PPP3CA: variants seen among roughly 807,000 people sequenced by gnomAD.
The protein encoded by PPP3CA is protein phosphatase 3 catalytic subunit alpha, also known as CAM-PRP catalytic subunit.
Under a neutral mutation model 66.5 loss-of-function variants are expected in PPP3CA, and 14 were observed. The ratio of observed to expected loss-of-function variants is 0.21; its 90% confidence interval spans 0.14 to 0.33. The LOEUF is 0.33. Among genes scored for constraint, PPP3CA ranks in the 10% least tolerant of loss-of-function variants. The pLI, the probability that PPP3CA is intolerant of heterozygous loss-of-function variation, is 1.00. For synonymous variants in PPP3CA, 232 were observed against 226.2 expected, an observed-to-expected ratio of 1.03 and a Z score of -0.23; for missense variants, 317 against 639.5, an observed-to-expected ratio of 0.50 and a Z score of 5.44.
At chr4:101,249,241 A>G (rs1460801345) in intron 1 of PPP3CA, among the ~76,000 whole-genome samples, 1 of 152,116 alleles carries the variant, frequency 6.6e-6, no homozygotes, top group Admixed American at 6.5e-5. Flanking sequence ...AGGTACTACT[A>G]CACAGATGAT....
chr4:101,285,476 T>C (rs895062239), intron 1 of PPP3CA, among the ~76,000 whole-genome samples: 3 of 152,098 alleles, frequency 2.0e-5, no homozygotes, highest in Non-Finnish European at 4.4e-5. Context: ...GCTTAAAGAG[T>C]TCCCCCTTCT....
chr4:101,056,734 G>T (rs1389991872), intron 10 of PPP3CA, among the ~76,000 whole-genome samples: 1 of 151,938 alleles, frequency 6.6e-6, no homozygotes, highest in Non-Finnish European at 1.5e-5. Flanking sequence ...GCAAGCAGCA[G>T]GAGAGAGCCA....
chr4:101,102,262 AAGGAAGGGAGGG>A (rs1280235961), intron 3 of PPP3CA, among the ~76,000 whole-genome samples: 8 of 148,640 alleles, frequency 5.4e-5, no homozygotes, highest in South Asian at 2.3e-4. Flanking sequence ...GGAAGGAAGG[AAGGAAGGGAGGG>A]AGGAAGGGAG....
chr4:101,040,372 G>A, intron 11 of PPP3CA, 110 bp downstream of exon 11: 1 of 753,310 alleles, frequency 1.3e-6, no homozygotes, highest in Admixed American at 3.9e-5. Context: ...AGGAAAAAAA[G>A]ACAAATATTC....
At chr4:101,068,235 G>T (rs981263163) in intron 8 of PPP3CA, among the ~76,000 whole-genome samples, 2 of 152,154 alleles carry the variant, frequency 1.3e-5, no homozygotes, top group East Asian at 3.9e-4. Context: ...AATCCATCCA[G>T]AAATAGCAAA....
At chr4:101,206,602 G>T (rs769003676) in intron 1 of PPP3CA, among the ~76,000 whole-genome samples, 2 of 152,184 alleles carry the variant, frequency 1.3e-5, no homozygotes, top group Admixed American at 6.5e-5. Flanking sequence ...TCCAACCAAT[G>T]AGTCAATCAA....
intron 1 of PPP3CA, chr4:101,330,280 G>C: frequency 2.3e-6 from 1 of 433,846 alleles, no homozygotes; most frequent in Non-Finnish European, 4.6e-6. Context: ...GGACTGACTT[G>C]GTGCAATCCC....
At chr4:101,145,921 CAT>C (rs985327696) in intron 2 of PPP3CA, among the ~76,000 whole-genome samples, 32 of 152,070 alleles carry the variant, frequency 2.1e-4, no homozygotes, top group African/African-American at 7.5e-4. Context: ...AGCTTAAAAT[CAT>C]AAAAATATTA....
intron 3 of PPP3CA, among the ~76,000 whole-genome samples, chr4:101,107,035 A>T (rs1303876188): frequency 1.3e-5 from 2 of 152,138 alleles, no homozygotes; most frequent in African/African-American, 2.4e-5. Flanking sequence ...CAAAATTAGT[A>T]CTCAATTGCT....
At chr4:101,116,215 C>T (rs150433578) in intron 2 of PPP3CA, among the ~76,000 whole-genome samples, 12 of 151,974 alleles carry the variant, frequency 7.9e-5, no homozygotes, top group Admixed American at 2.0e-4. Flanking sequence ...TTAGAAAAGA[C>T]GTTACTGAAT....
chr4:101,208,781 C>A (rs2110202855), intron 1 of PPP3CA, among the ~76,000 whole-genome samples: 1 of 152,198 alleles, frequency 6.6e-6, no homozygotes, highest in African/African-American at 2.4e-5. Context: ...ACTGTCAGTT[C>A]TTTTTTGGAA....
intron 1 of PPP3CA, among the ~76,000 whole-genome samples, chr4:101,245,084 G>A (rs1726435511): frequency 1.3e-5 from 2 of 152,036 alleles, no homozygotes; most frequent in African/African-American, 4.8e-5. Flanking sequence ...ATACTAGTCC[G>A]AATAGATTTT....
intron 2 of PPP3CA, among the ~76,000 whole-genome samples, chr4:101,164,328 T>A (rs1189099024): frequency 6.6e-6 from 1 of 152,216 alleles, no homozygotes; most frequent in East Asian, 1.9e-4. Flanking sequence ...GGATTTATTA[T>A]GTTTTGTCTT....
At chr4:101,261,395 G>A (rs1332030790) in intron 1 of PPP3CA, among the ~76,000 whole-genome samples, 1 of 151,938 alleles carries the variant, frequency 6.6e-6, no homozygotes, top group African/African-American at 2.4e-5. Flanking sequence ...CCTTAAATCT[G>A]GAGCAAAAAT....
intron 1 of PPP3CA, among the ~76,000 whole-genome samples, chr4:101,311,771 CAAAAATGATACCAA>C (rs1393313874): frequency 6.6e-6 from 1 of 152,064 alleles, no homozygotes; most frequent in African/African-American, 2.4e-5. Flanking sequence ...TAGAAGGATA[CAAAAATGATACCAA>C]AAAAATGATA....
At chr4:101,255,550 TTATTA>T (rs150978384) in intron 1 of PPP3CA, among the ~76,000 whole-genome samples, 1,596 of 151,916 alleles carry the variant, frequency 0.011, 14 homozygotes, top group African/African-American at 0.026. Flanking sequence ...CTCTAATATT[TTATTA>T]TATTTATCAC....
intron 4 of PPP3CA, 90 bp from the exon 5 acceptor site, chr4:101,098,602 A>G (rs1261055905): frequency 8.0e-7 from 1 of 1,254,286 alleles, no homozygotes; most frequent in Admixed American, 2.7e-5. Flanking sequence ...TTTTCTTGCT[A>G]GGACCCTATT....
rs534684801 is a variant in PPP3CA at position 101,084,439 on chromosome 4, G to C, written c.783-1176C>G. On this transcript the variant is annotated intron_variant, in intron 6 of 13. Transcript: ENST00000394854. ...GCAGATCACCTGAGGTCAGGAGTTC[G>C]AGACCAGCCTTGCCAATGTGGTGAA... Among the ~76,000 whole-genome samples the C allele has an allele frequency of 1.6e-3, 250 of 152,034 alleles. 1 individual carries two copies. The highest frequency in any genetic ancestry group is 3.0e-3 in the Non-Finnish European group (204 of 67,962).
At chr4:101,254,856 T>C (rs897142048) in intron 1 of PPP3CA, among the ~76,000 whole-genome samples, 2 of 151,868 alleles carry the variant, frequency 1.3e-5, no homozygotes, top group Non-Finnish European at 2.9e-5. Context: ...TTAGCTTGAT[T>C]CTCTCCCTAA....
Sources: gnomAD v4.1 joint callset for allele counts (sites outside exome capture counted in the v4.1 genomes callset) on GRCh38, gnomAD v4.1.1 for gene constraint, MANE v1.5 for transcripts, NCBI Gene and HGNC (gene_info 2026-07-23, HGNC 2026-07-21) for gene names.